Variants in EYS observed in about 807,000 individuals in gnomAD.
EYS encodes the protein EGF-like photoreceptor maintenance factor.
A neutral mutation model predicts 282.1 loss-of-function variants in EYS; 250 were observed. The ratio of observed to expected loss-of-function variants is 0.89; its 90% CI spans 0.80 to 0.98. The LOEUF (loss-of-function observed/expected upper bound fraction) is 0.98, where lower values mean the gene tolerates loss of function less well. Among genes scored for constraint, EYS ranks in the 50% least tolerant of loss-of-function variants. The probability of loss-of-function intolerance (pLI) is 0.00; values close to 1 mark genes in which losing one functional copy is unlikely to be tolerated. For synonymous variants in EYS, 1,355 were observed against 1,282.9 expected (o/e 1.06, Z -1.20); for missense variants, 4,016 against 3,709.0 (o/e 1.08, Z -2.15).
intron 26 of EYS, among the ~76,000 whole-genome samples, chr6:64,506,759 A>G (rs1777220279): frequency 6.6e-6 from 1 of 151,930 alleles, no homozygotes; most frequent in Non-Finnish European, 1.5e-5. Flanking sequence ...AAAAATACAA[A>G]TTAGTCGGCT....
chr6:64,980,421 C>A (rs1004727869), intron 14 of EYS, among the ~76,000 whole-genome samples: 5 of 151,346 alleles, frequency 3.3e-5, no homozygotes, highest in African/African-American at 1.2e-4. Context: ...AGATAATTCT[C>A]CAGAATGCCA....
chr6:65,477,389 G>T (rs1375014207), intron 5 of EYS, among the ~76,000 whole-genome samples: 2 of 152,084 alleles, frequency 1.3e-5, no homozygotes, highest in African/African-American at 4.8e-5. Flanking sequence ...CAGAATTCAA[G>T]AACTCATTAA....
At chr6:64,325,434 T>C (rs1483246920) in intron 29 of EYS, among the ~76,000 whole-genome samples, 12 of 152,154 alleles carry the variant, frequency 7.9e-5, no homozygotes, top group Admixed American at 7.9e-4. Context: ...GCCCTAGACC[T>C]TTCCTCTGAC....
At chr6:64,887,283 G>T (rs1414392497) in intron 18 of EYS, among the ~76,000 whole-genome samples, 4 of 126,744 alleles carry the variant, frequency 3.2e-5, no homozygotes, top group African/African-American at 1.2e-4. Context: ...ACTGTTGTGG[G>T]GTGGGGGGAG....
intron 12 of EYS, among the ~76,000 whole-genome samples, chr6:65,062,174 A>G (rs1226173621): frequency 6.6e-6 from 1 of 151,950 alleles, no homozygotes; most frequent in East Asian, 1.9e-4. Context: ...GCCTAATTAA[A>G]TATTAGTTGA....
intron 19 of EYS, among the ~76,000 whole-genome samples, chr6:64,879,935 G>A (rs1766863733): frequency 6.6e-6 from 1 of 151,980 alleles, no homozygotes; most frequent in African/African-American, 2.4e-5. Context: ...TATTAAGAGT[G>A]TTGAAAGAAG....
chr6:63,836,984 T>C (rs1162449981), intron 36 of EYS, among the ~76,000 whole-genome samples: 1 of 152,092 alleles, frequency 6.6e-6, no homozygotes, highest in African/African-American at 2.4e-5. Flanking sequence ...TTTCTCCTTT[T>C]GAAACAGTTA....
At chr6:64,501,396 C>T (rs1350011396) in intron 26 of EYS, among the ~76,000 whole-genome samples, 2 of 151,896 alleles carry the variant, frequency 1.3e-5, no homozygotes, top group Admixed American at 1.3e-4. Flanking sequence ...GTTATGGCTT[C>T]TTTCTGTGAT....
chr6:65,122,582 T>A (rs1775591653), intron 12 of EYS, among the ~76,000 whole-genome samples: 1 of 152,148 alleles, frequency 6.6e-6, no homozygotes, highest in Non-Finnish European at 1.5e-5. Context: ...CCCATTAATG[T>A]TTAACATAGG....
At chr6:63,869,205 G>T (rs1414731881) in intron 35 of EYS, among the ~76,000 whole-genome samples, 7 of 152,088 alleles carry the variant, frequency 4.6e-5, no homozygotes, top group Admixed American at 4.6e-4. Flanking sequence ...AAAAGTCATA[G>T]AATGACATAG....
intron 26 of EYS, among the ~76,000 whole-genome samples, chr6:64,536,754 T>G (rs1249038030): frequency 6.6e-6 from 1 of 151,696 alleles, no homozygotes; most frequent in Non-Finnish European, 1.5e-5. Context: ...GCTTATAATG[T>G]AAATATCATG....
intron 14 of EYS, among the ~76,000 whole-genome samples, chr6:64,987,823 A>G (rs563665266): frequency 5.3e-4 from 81 of 151,682 alleles, no homozygotes; most frequent in African/African-American, 1.8e-3. Context: ...GATTGTATAT[A>G]GTAATAAGAA....
intron 30 of EYS, among the ~76,000 whole-genome samples, chr6:64,292,602 T>C (rs1375348409): frequency 1.3e-5 from 2 of 152,066 alleles, no homozygotes; most frequent in African/African-American, 4.8e-5. Context: ...GGATAGCTAA[T>C]ATATATTTAT....
intron 2 of EYS, among the ~76,000 whole-genome samples, chr6:65,522,012 T>C (rs1262047327): frequency 6.6e-6 from 1 of 152,194 alleles, no homozygotes; most frequent in African/African-American, 2.4e-5. Flanking sequence ...AAATTTCCTG[T>C]GGGTCTCTTC....
At chr6:64,211,902 G>A (rs1765792519) in intron 31 of EYS, among the ~76,000 whole-genome samples, 2 of 151,704 alleles carry the variant, frequency 1.3e-5, no homozygotes, top group Non-Finnish European at 2.9e-5. Context: ...GGTCACTTGC[G>A]ATCAGGAGTT....
intron 30 of EYS, among the ~76,000 whole-genome samples, chr6:64,258,983 A>T (rs974948741): frequency 6.6e-6 from 1 of 152,092 alleles, no homozygotes; most frequent in Non-Finnish European, 1.5e-5. Flanking sequence ...CATAATACAT[A>T]AAAGTAATCC....
chr6:63,869,025 C>A (rs1772735478), intron 35 of EYS, among the ~76,000 whole-genome samples: 3 of 152,042 alleles, frequency 2.0e-5, no homozygotes, highest in Admixed American at 2.0e-4. Context: ...AATGCAAAAC[C>A]AAAATTACTT....
At chr6:63,792,225 C>A (rs1340979719) in intron 37 of EYS, among the ~76,000 whole-genome samples, 1 of 151,570 alleles carries the variant, frequency 6.6e-6, no homozygotes, top group Non-Finnish European at 1.5e-5. Context: ...GCCAGGGAAC[C>A]AATCACCCAT....
At chr6:64,665,889 T>G (rs1426188876) in intron 22 of EYS, among the ~76,000 whole-genome samples, 1 of 151,648 alleles carries the variant, frequency 6.6e-6, no homozygotes, top group Non-Finnish European at 1.5e-5. Context: ...CTGTTTTCCC[T>G]TCATCATCAA....
Sources: allele counts gnomAD v4.1 joint callset (sites outside exome capture counted in the v4.1 genomes callset), GRCh38; gene constraint gnomAD v4.1.1; transcripts MANE v1.5; gene names NCBI Gene and HGNC (gene_info 2026-07-23, HGNC 2026-07-21).